Variants in FBXO34 observed in about 807,000 individuals in gnomAD.
The protein encoded by FBXO34 is F-box only protein 34.
Under a neutral mutation model 24.5 loss-of-function variants are expected in FBXO34, and 12 were observed. That is an observed-to-expected ratio of 0.49 (90% CI 0.31 to 0.79). FBXO34 has a LOEUF of 0.79. Among genes scored for constraint, FBXO34 ranks in the 30% least tolerant of loss-of-function variants. FBXO34 has a pLI of 0.04. For synonymous variants in FBXO34, 320 were observed against 311.9 expected (o/e 1.03, Z -0.27); for missense variants, 823 against 857.7 (o/e 0.96, Z 0.51).
chr14:55,403,627 T>C, the FBXO34 span, among the ~76,000 whole-genome samples: 4 of 152,106 alleles, frequency 2.6e-5, no homozygotes, highest in Non-Finnish European at 4.4e-5. Context: ...AGGAATAATA[T>C]TGTGTACCGG....
At chr14:55,272,346 G>A (rs1881180625) in intron 1 of FBXO34, 1 of 152,206 alleles carries the variant, frequency 6.6e-6, no homozygotes, top group African/African-American at 2.4e-5. Flanking sequence ...TCCAGCAAGC[G>A]TTGCGAGTAC....
At chr14:55,436,980 T>C in the FBXO34 span, 3 of 1,614,096 alleles carry the variant, frequency 1.9e-6, no homozygotes, top group Non-Finnish European at 2.5e-6. Flanking sequence ...AAGGTACAAC[T>C]GGGCTGAACA....
chr14:55,355,608 T>G (rs1008434684), downstream of FBXO34, among the ~76,000 whole-genome samples: 9 of 152,192 alleles, frequency 5.9e-5, no homozygotes, highest in African/African-American at 2.2e-4. Flanking sequence ...TTATAAGCAA[T>G]CTAGAGGTGA....
chr14:55,420,075 T>C, the FBXO34 span, among the ~76,000 whole-genome samples: 1 of 152,148 alleles, frequency 6.6e-6, no homozygotes, highest in African/African-American at 2.4e-5. Flanking sequence ...TTTTTTTGTT[T>C]GTTTGTTTGT....
intron 1 of FBXO34, among the ~76,000 whole-genome samples, chr14:55,300,505 G>C (rs1038187829): frequency 6.6e-6 from 1 of 152,250 alleles, no homozygotes; most frequent in African/African-American, 2.4e-5. Context: ...TGAGGCAGAA[G>C]AATCACTTGA....
At chr14:55,439,921 A>T in the FBXO34 span, among the ~76,000 whole-genome samples, 12 of 112,544 alleles carry the variant, frequency 1.1e-4, no homozygotes, top group Non-Finnish European at 1.6e-4. Context: ...ACAGAGCGAG[A>T]CTCTGTCTCA....
intron 1 of FBXO34, among the ~76,000 whole-genome samples, chr14:55,309,967 G>A (rs1300862271): frequency 6.6e-6 from 1 of 152,130 alleles, no homozygotes; most frequent in Non-Finnish European, 1.5e-5. Flanking sequence ...GTTTTTAATA[G>A]TGATAATGAG....
the FBXO34 span, chr14:55,428,699 T>C: frequency 1.2e-5 from 6 of 485,202 alleles, no homozygotes; most frequent in East Asian, 6.7e-5. Context: ...GTCCCCCGCC[T>C]TTTTTTTTTT....
chr14:55,345,345 G>T (rs1231072503), intron 1 of FBXO34, among the ~76,000 whole-genome samples: 1 of 152,036 alleles, frequency 6.6e-6, no homozygotes, highest in Non-Finnish European at 1.5e-5. Flanking sequence ...TCTACTCTTA[G>T]CACCTTAACT....
At chr14:55,411,933 G>C in the FBXO34 span, 2 of 1,007,490 alleles carry the variant, frequency 2.0e-6, no homozygotes, top group Non-Finnish European at 2.9e-6. Flanking sequence ...CGAGCCCCCG[G>C]ACCCCTCCGC....
downstream of FBXO34, among the ~76,000 whole-genome samples, chr14:55,356,915 A>G (rs1403526422): frequency 6.6e-6 from 1 of 152,018 alleles, no homozygotes; most frequent in Non-Finnish European, 1.5e-5. Flanking sequence ...TGCCTGGCTA[A>G]TTTTTGTATT....
At chr14:55,276,589 C>T (rs10142803) in intron 1 of FBXO34, among the ~76,000 whole-genome samples, 45,868 of 151,814 alleles carry the variant, frequency 0.3, 7,230 homozygotes, top group Non-Finnish European at 0.34. Flanking sequence ...AAAATTCTCT[C>T]GGCCCCGAGG....
the FBXO34 span, among the ~76,000 whole-genome samples, chr14:55,396,560 TTAAC>T: frequency 2.0e-5 from 3 of 152,320 alleles, no homozygotes; most frequent in African/African-American, 7.2e-5. Context: ...GGCCTGAGCA[TTAAC>T]TGTTTTCATC....
At chr14:55,395,863 A>T in the FBXO34 span, 1 of 1,101,666 alleles carries the variant, frequency 9.1e-7, no homozygotes, top group Non-Finnish European at 1.2e-6. Flanking sequence ...AAAAATTTTA[A>T]TTAAAAATAA....
the FBXO34 span, chr14:55,429,057 T>G: frequency 9.3e-6 from 14 of 1,507,124 alleles, no homozygotes; most frequent in South Asian, 1.7e-4. Context: ...TGTTACCATT[T>G]GTACCACGTT....
At chr14:55,397,276 G>A in the FBXO34 span, 7 of 1,055,208 alleles carry the variant, frequency 6.6e-6, no homozygotes, top group African/African-American at 7.8e-5. Flanking sequence ...AATTCAGTAA[G>A]TTAGCAATCC....
the FBXO34 span, among the ~76,000 whole-genome samples, chr14:55,437,721 T>C: frequency 6.6e-6 from 1 of 152,222 alleles, no homozygotes; most frequent in African/African-American, 2.4e-5. Context: ...TAGTTGACTT[T>C]ACTTTGAAAT....
At chr14:55,299,299 AGGTT>A (rs1365079962) in intron 1 of FBXO34, 3 of 592,404 alleles carry the variant, frequency 5.1e-6, no homozygotes, top group Non-Finnish European at 6.5e-6. Context: ...TGGTGCAGGC[AGGTT>A]CCATCGCTCT....
the FBXO34 span, chr14:55,413,586 C>A: frequency 2.3e-6 from 1 of 443,226 alleles, no homozygotes; most frequent in Middle Eastern, 4.6e-4. Context: ...GAATAGGTTC[C>A]AGCAGCCCAG....
Sources: gnomAD v4.1 joint callset for allele counts (sites outside exome capture counted in the v4.1 genomes callset) on GRCh38, gnomAD v4.1.1 for gene constraint, MANE v1.5 for transcripts, NCBI Gene and HGNC (gene_info 2026-07-23, HGNC 2026-07-21) for gene names.